LEMD2: variants seen among roughly 807,000 people sequenced by gnomAD.
LEMD2 encodes LEM domain nuclear envelope protein 2.
In LEMD2, 34 loss-of-function variants were observed where a neutral mutation model predicts 58.8. That is an observed-to-expected ratio of 0.58 (90% confidence interval 0.44 to 0.77). The LOEUF (loss-of-function observed/expected upper bound fraction) is 0.77. Ranked by LOEUF, LEMD2 falls within the 30% of genes least tolerant of loss-of-function variation. The pLI is 0.00. For missense variants in LEMD2, 629 were observed against 717.9 expected (o/e 0.88, Z 1.42); for synonymous variants, 298 against 308.9 (o/e 0.96, Z 0.37).
intron 2 of LEMD2, 61 bp downstream of exon 2, chr6:33,786,673 C>T: frequency 7.5e-7 from 1 of 1,329,638 alleles, no homozygotes; most frequent in Non-Finnish European, 1.1e-6. Context: ...GGAAGTTTAC[C>T]TCCTGATGGA....
chr6:33,771,605 C>T lies in LEMD2; in HGVS notation c.*1023G>A, dbSNP rs1239792944. 1 of 152,242 alleles carries T rather than the reference C, an allele frequency of 6.6e-6. No homozygotes were observed. Among genetic ancestry groups the T allele is most frequent in the Non-Finnish European group, 1.5e-5 (1 of 68,050 alleles). 9.4% of individuals were successfully genotyped at this position (152,242 alleles called of 1,614,324 possible). On this transcript the variant is annotated 3_prime_UTR_variant, in exon 9 of 9. Coordinates refer to ENST00000293760, the MANE Select transcript of LEMD2 (RefSeq NM_181336.4). The stretch of plus-strand genomic sequence containing the variant: ...TCGGGGTGCTTCTGGAGCCTGCCTC[C>T]CAGGGAGCAGGCTGAGGAGCTGGCG...
intron 1 of LEMD2, 77 bp downstream of exon 1, chr6:33,788,304 G>A (rs1412242519): frequency 1.4e-6 from 2 of 1,394,838 alleles, no homozygotes; most frequent in South Asian, 1.4e-5. Context: ...GCGCGGCCTG[G>A]CGCCGACAGG....
intron 5 of LEMD2, 93 bp downstream of exon 5, chr6:33,780,007 T>G: frequency 6.3e-6 from 7 of 1,114,462 alleles, no homozygotes; most frequent in African/African-American, 1.5e-5. Flanking sequence ...GCTTCAGACC[T>G]GAGACAGCTC....
chr6:33,772,229 G>A lies in LEMD2; in HGVS notation c.*399C>T, dbSNP rs576486877. The stretch of plus-strand genomic sequence containing the variant: ...CATGGACCAAGCTGCTCCCCATCCC[G>A]CCACCCGAAACACCATCCCTGCCCC... On this transcript the variant is annotated 3_prime_UTR_variant, in exon 9 of 9. Transcript: ENST00000293760. 3.0e-5 allele frequency: 5 copies of A among 165,064 alleles called. No individual in the cohort carries two copies. The highest frequency in any genetic ancestry group is 7.2e-5 in the African/African-American group (3 of 41,728). The allele number at this position is 165,064 out of a possible 1,614,324, so 10.2% of individuals were successfully genotyped here. A position where few individuals can be genotyped will look rare whatever the true frequency, so the allele number is the denominator to read the frequency against.
intron 2 of LEMD2, 195 bp from the exon 3 acceptor site, chr6:33,784,622 G>GA: frequency 1.9e-6 from 1 of 539,076 alleles, no homozygotes; most frequent in South Asian, 2.2e-5. Context: ...AACTGCCTGA[G>GA]AAAGACCCTG....
chr6:33,788,654 G>T lies in LEMD2; in HGVS notation c.463C>A (p.Pro155Thr). The change falls in exon 1 of 9, where the codon CCG (proline) becomes ACG (threonine). Residue 155 changes from proline to threonine, a missense_variant. By Grantham distance (38) the Pro-to-Thr change is conservative (BLOSUM62 -1). This residue lies in a region of LEMD2 where 386 missense variants were observed against 381.1 expected (regional missense o/e 1.01). Coordinates refer to ENST00000293760, the MANE Select transcript of LEMD2 (RefSeq NM_181336.4). ...ARTPDRATQGPGLAARRWWAA... is the reference protein window; with the variant it reads ...ARTPDRATQGTGLAARRWWAA... ...CACCAGCGGCGGGCCGCGAGACCCG[G>T]GCCCTGCGTGGCCCTGTCGGGCGTC... 7.7e-7 allele frequency: 1 copy of T among 1,295,160 alleles called. No homozygotes were observed. Among genetic ancestry groups the T allele is most frequent in the Non-Finnish European group, 9.8e-7 (1 of 1,024,408 alleles). 80.2% of individuals were successfully genotyped at this position (1,295,160 alleles called of 1,614,324 possible). A position where few individuals can be genotyped will look rare whatever the true frequency, so the allele number is the denominator to read the frequency against.
At position 33,777,074 on chromosome 6, in the gene LEMD2, C is replaced by T; in HGVS notation, c.1259-18G>A. On this transcript the variant is annotated intron_variant, in intron 7 of 8. Coordinates refer to ENST00000293760, the MANE Select transcript of LEMD2 (RefSeq NM_181336.4). ...GACCACGTCTGCAGGAGAGAGCACACCATTTAGGGCAAGGACCCTCTGGCT... is the reference window on the plus strand; with the variant it reads ...GACCACGTCTGCAGGAGAGAGCACATCATTTAGGGCAAGGACCCTCTGGCT... The T allele has an allele frequency of 6.2e-7, 1 of 1,612,408 alleles. No individual in the cohort carries two copies. The highest frequency in any genetic ancestry group is 8.5e-7 in the Non-Finnish European group (1 of 1,178,406).
In LEMD2 at chr6:33,778,418, T is replaced by C; in HGVS notation, c.1011-31A>G. 6.9e-7 allele frequency: 1 copy of C among 1,454,106 alleles called. No homozygotes were observed. The highest frequency in any genetic ancestry group is 9.1e-7 in the Non-Finnish European group (1 of 1,094,236). 90.1% of individuals were successfully genotyped at this position (1,454,106 alleles called of 1,614,324 possible). On this transcript the variant is annotated intron_variant, in intron 5 of 8. Transcript: ENST00000293760. The surrounding 1 kb of genome is among the most constrained non-coding windows in gnomAD (Gnocchi z 4.7). ...ACAGGACACAGGGCTCTGAACATGT[T>C]GGAAAGCTCCAAGGAGAGGCAGTGC...
In LEMD2 at chr6:33,772,580, T is replaced by C. The variant is rs760477620; in HGVS notation, c.*48A>G. The C allele has an allele frequency of 1.1e-5, 18 of 1,575,152 alleles. No homozygotes were observed. In the East Asian group the frequency reaches 3.8e-4, roughly 34 times the overall value. Reference sequence around the variant, plus strand: ...TGGTGACCCTCCTGTGCCTCTGGAGTGGGCTGTCCTGGGACAGGCTGACCG... The same window carrying C: ...TGGTGACCCTCCTGTGCCTCTGGAGCGGGCTGTCCTGGGACAGGCTGACCG... On this transcript the variant is annotated 3_prime_UTR_variant, in exon 9 of 9. Coordinates refer to ENST00000293760, the MANE Select transcript of LEMD2 (RefSeq NM_181336.4).
At chr6:33,785,895 C>T (rs919535343) in intron 2 of LEMD2, among the ~76,000 whole-genome samples, 16 of 152,210 alleles carry the variant, frequency 1.1e-4, no homozygotes, top group African/African-American at 3.4e-4. Flanking sequence ...AAATAAAAGC[C>T]GTTATCTGCA....
At chr6:33,774,367 T>C (rs977475040) in intron 8 of LEMD2, among the ~76,000 whole-genome samples, 4 of 150,606 alleles carry the variant, frequency 2.7e-5, no homozygotes, top group African/African-American at 9.8e-5. Flanking sequence ...AGACGGGGTT[T>C]CACCACATTG....
At chr6:33,786,798 G>C (rs756924027) in intron 1 of LEMD2, 24 bp from the exon 2 acceptor site, 1 of 1,613,184 alleles carries the variant, frequency 6.2e-7, no homozygotes, top group South Asian at 1.1e-5. Flanking sequence ...AAGAAACACA[G>C]AGGAAATTAA....
At chr6:33,784,479 C>A in intron 2 of LEMD2, 52 bp from the exon 3 acceptor site, 1 of 785,034 alleles carries the variant, frequency 1.3e-6, no homozygotes, top group South Asian at 1.5e-5. Context: ...TGGGAGGGGT[C>A]CGTCTGTCCA....
Position 33,788,899 on chromosome 6 carries a change from G to T in LEMD2, c.218C>A (p.Pro73Gln). Residue 73 changes from proline to glutamine, a missense_variant, in exon 1 of 9, where the codon CCG becomes CAG. By Grantham distance (76) the Pro-to-Gln change is moderately conservative. Transcript: ENST00000293760. ...REEARLREDA[P>Q]LRARPAAASP... is the part of the protein sequence containing the mutation. ...GGCCGCGGCGGGCCGGGCGCGCAGC[G>T]GCGCATCCTCGCGTAACCGGGCCTC... 1 of 1,400,184 alleles carries T rather than the reference G, an allele frequency of 7.1e-7. No individual in the cohort carries two copies. The highest frequency in any genetic ancestry group is 9.2e-7 in the Non-Finnish European group (1 of 1,084,590). 86.7% of individuals were successfully genotyped at this position (1,400,184 alleles called of 1,614,324 possible).
Position 33,788,836 on chromosome 6 carries a change from G to T in LEMD2, c.281C>A (p.Ser94Ter). Residue 94 changes from serine (S) to a stop codon, truncating the protein, a stop_gained, in exon 1 of 9, where the codon TCG becomes TAG. Transcript: ENST00000293760. LOFTEE classifies it high-confidence loss of function. ...CCCAGGGGTCGCGTAGGCCGAGCCC[G>T]AGGCCGGCTGGGAGAGCCAGGGCTC... ...RAEPWLSQPA[S>*]GSAYATPGAY... The T allele has an allele frequency of 7.1e-7, 1 of 1,417,226 alleles. No individual in the cohort carries two copies. The highest frequency in any genetic ancestry group is 9.2e-7 in the Non-Finnish European group (1 of 1,089,496). 87.8% of individuals were successfully genotyped at this position (1,417,226 alleles called of 1,614,324 possible).
chr6:33,783,345 G>C (rs9394166), intron 3 of LEMD2, among the ~76,000 whole-genome samples: 55,185 of 151,970 alleles, frequency 0.36, 10,911 homozygotes, highest in East Asian at 0.77. Context: ...GGAGGCAGAA[G>C]AGCTGATGCT....
chr6:33,788,615 CG>C lies in LEMD2; in HGVS notation c.501del (p.Ala168ProfsTer52). 1 of 1,275,160 alleles carries C rather than the reference CG, an allele frequency of 7.8e-7. No individual in the cohort carries two copies. The highest frequency in any genetic ancestry group is 9.9e-7 in the Non-Finnish European group (1 of 1,015,094). 79.0% of individuals were successfully genotyped at this position (1,275,160 alleles called of 1,614,324 possible). On this transcript the variant is annotated frameshift_variant, in exon 1 of 9. Coordinates refer to ENST00000293760, the MANE Select transcript of LEMD2 (RefSeq NM_181336.4). LOFTEE classifies it high-confidence loss of function. Reference sequence around the variant, plus strand: ...AGGGAGGAAGGCAGCCGCGCCGGGGCGGGAGACGCTGCCCACCAGCGGCGGG... The same window carrying C: ...AGGGAGGAAGGCAGCCGCGCCGGGGCGGAGACGCTGCCCACCAGCGGCGGG... ...LAARRWWAAS[P>X]APARLPSSLL...
At chr6:33,780,051 A>G in intron 5 of LEMD2, 49 bp downstream of exon 5, 1 of 1,459,890 alleles carries the variant, frequency 6.8e-7, no homozygotes, top group Non-Finnish European at 9.4e-7. Flanking sequence ...ACGAGCGAGG[A>G]CAGTGGTTGC....
At chr6:33,787,526 T>C (rs907661534) in intron 1 of LEMD2, among the ~76,000 whole-genome samples, 8 of 152,272 alleles carry the variant, frequency 5.3e-5, no homozygotes, top group Admixed American at 2.0e-4. Context: ...TGGCCTTGGC[T>C]GGAAGCTGGG....
Sources: gnomAD v4.1 joint callset for allele counts (sites outside exome capture counted in the v4.1 genomes callset) on GRCh38, gnomAD v4.1.1 for gene constraint, gnomAD v4.1.1 regional missense constraint, Gnocchi (gnomAD v3.1) non-coding constraint, MANE v1.5 for transcripts, NCBI Gene and HGNC (gene_info 2026-07-23, HGNC 2026-07-21) for gene names.